LRP1B: variants seen among roughly 807,000 people sequenced by gnomAD.
LRP1B encodes the protein low-density lipoprotein receptor-related protein 1B.
LRP1B carries 217 observed loss-of-function variants against 556.6 expected under a neutral mutation model. That is an observed-to-expected ratio of 0.39 (90% CI 0.35 to 0.44). The LOEUF is 0.44. Among genes scored for constraint, LRP1B ranks in the 20% least tolerant of loss-of-function variants. The pLI is 1.00. For synonymous variants in LRP1B, 2,047 were observed against 1,865.8 expected (o/e 1.10, Z -2.50); for missense variants, 5,053 against 5,620.8 (o/e 0.90, Z 3.23).
chr2:140,788,340 A>G (rs1187887191), intron 32 of LRP1B, among the ~76,000 whole-genome samples: 1 of 152,234 alleles, frequency 6.6e-6, no homozygotes, highest in Non-Finnish European at 1.5e-5. Flanking sequence ...ATTATTTATC[A>G]GTATCATGGA....
intron 62 of LRP1B, among the ~76,000 whole-genome samples, chr2:140,455,431 A>G (rs978477144): frequency 6.6e-6 from 1 of 152,196 alleles, no homozygotes; most frequent in Non-Finnish European, 1.5e-5. Flanking sequence ...TAATCTGTAT[A>G]TGGCATAGAA....
chr2:141,683,073 G>A (rs955084207), intron 2 of LRP1B, among the ~76,000 whole-genome samples: 17 of 152,202 alleles, frequency 1.1e-4, no homozygotes, highest in African/African-American at 3.9e-4. Flanking sequence ...GTCTCTTCTG[G>A]AGCCTCCAGA....
chr2:140,868,071 A>G (rs2105155671), intron 26 of LRP1B, 28 bp downstream of exon 26: 1 of 1,568,554 alleles, frequency 6.4e-7, no homozygotes, highest in Non-Finnish European at 8.6e-7. Flanking sequence ...TAAAAAAAAA[A>G]ATACAGAAAA....
At chr2:141,176,335 G>A (rs2105158601) in intron 7 of LRP1B, among the ~76,000 whole-genome samples, 1 of 152,180 alleles carries the variant, frequency 6.6e-6, no homozygotes, top group East Asian at 1.9e-4. Flanking sequence ...ACATTGCACA[G>A]GAGGGTTCTG....
intron 34 of LRP1B, among the ~76,000 whole-genome samples, chr2:140,769,779 T>C (rs547764790): frequency 1.4e-4 from 22 of 151,962 alleles, no homozygotes; most frequent in African/African-American, 4.6e-4. Flanking sequence ...TATATGATAA[T>C]AAACCTGATT....
chr2:141,903,744 G>C (rs921847482), intron 1 of LRP1B, among the ~76,000 whole-genome samples: 1 of 151,860 alleles, frequency 6.6e-6, no homozygotes, highest in Non-Finnish European at 1.5e-5. Context: ...TACAGATTTG[G>C]GGTTGGGAGT....
intron 2 of LRP1B, among the ~76,000 whole-genome samples, chr2:141,704,276 T>TC (rs1160882323): frequency 6.6e-6 from 1 of 151,988 alleles, no homozygotes; most frequent in Non-Finnish European, 1.5e-5. Flanking sequence ...CTAACCTTTT[T>TC]CTTATTCAAA....
intron 1 of LRP1B, among the ~76,000 whole-genome samples, chr2:141,941,272 T>C (rs529046279): frequency 8.0e-4 from 122 of 152,326 alleles, no homozygotes; most frequent in African/African-American, 2.8e-3. Context: ...ATACAATCTG[T>C]ACAAAGTATT....
Position 140,304,419 on chromosome 2 carries a change from G to A in LRP1B, c.12806-6450C>T, listed in dbSNP as rs181159218. ...TTTCTCTGATGGCCAGTGATGATGA[G>A]CATTTTTTCATGTGTCTGTTGGCTG... On this transcript the variant is annotated intron_variant, in intron 83 of 90. Coordinates refer to ENST00000389484, the MANE Select transcript of LRP1B (RefSeq NM_018557.3). 2.3e-3 allele frequency among the ~76,000 whole-genome samples: 343 copies of A among 152,242 alleles called. 2 individuals are homozygous for A. The highest frequency in any genetic ancestry group is 7.6e-3 in the African/African-American group (316 of 41,542).
chr2:142,037,581 T>C (rs757740474), intron 1 of LRP1B, among the ~76,000 whole-genome samples: 2 of 151,588 alleles, frequency 1.3e-5, no homozygotes, highest in African/African-American at 4.8e-5. Flanking sequence ...CCATAAGCTA[T>C]TCCTTACAAT....
chr2:140,435,774 C>G (rs1177083562), intron 66 of LRP1B, among the ~76,000 whole-genome samples: 1 of 151,966 alleles, frequency 6.6e-6, no homozygotes, highest in Non-Finnish European at 1.5e-5. Context: ...CTATGAAAAA[C>G]CTAATATGTT....
intron 2 of LRP1B, among the ~76,000 whole-genome samples, chr2:141,684,201 C>A (rs1691209752): frequency 6.6e-6 from 1 of 152,028 alleles, no homozygotes; most frequent in Admixed American, 6.6e-5. Flanking sequence ...TTGGAACCAA[C>A]CCAAATGCCT....
At chr2:140,682,916 G>A (rs1273680089) in intron 41 of LRP1B, among the ~76,000 whole-genome samples, 1 of 152,066 alleles carries the variant, frequency 6.6e-6, no homozygotes, top group Non-Finnish European at 1.5e-5. Flanking sequence ...GAAAATATGA[G>A]CCTGATTCTT....
chr2:140,568,749 A>G (rs1301365964), intron 43 of LRP1B, among the ~76,000 whole-genome samples: 1 of 152,148 alleles, frequency 6.6e-6, no homozygotes, highest in Admixed American at 6.6e-5. Flanking sequence ...GTAAAGTCAT[A>G]TATAAGGGTA....
intron 2 of LRP1B, among the ~76,000 whole-genome samples, chr2:141,700,275 G>A (rs187638594): frequency 4.9e-4 from 75 of 151,684 alleles, no homozygotes; most frequent in African/African-American, 1.7e-3. Context: ...TTTATTCCCC[G>A]CTGGCAGACT....
At chr2:140,963,898 C>T (rs1278342937) in intron 18 of LRP1B, among the ~76,000 whole-genome samples, 2 of 152,126 alleles carry the variant, frequency 1.3e-5, no homozygotes, top group Non-Finnish European at 2.9e-5. Context: ...CTGTGTGCGG[C>T]GACGAGAGAG....
chr2:141,155,722 C>T (rs1217779650), intron 7 of LRP1B, among the ~76,000 whole-genome samples: 2 of 151,966 alleles, frequency 1.3e-5, no homozygotes, highest in African/African-American at 4.8e-5. Flanking sequence ...AAATTGTATG[C>T]CACCTTGCTG....
chr2:141,734,851 G>A (rs746440014), intron 2 of LRP1B, among the ~76,000 whole-genome samples: 10 of 152,086 alleles, frequency 6.6e-5, no homozygotes, highest in Non-Finnish European at 1.3e-4. Flanking sequence ...TTAAGCACCT[G>A]CACTCTAGTT....
chr2:141,845,174 A>G (rs1697603546), intron 1 of LRP1B, among the ~76,000 whole-genome samples: 1 of 151,846 alleles, frequency 6.6e-6, no homozygotes, highest in Non-Finnish European at 1.5e-5. Flanking sequence ...TTCAGCTTCA[A>G]GGTTATTTTT....
Sources: gnomAD v4.1 joint callset for allele counts (sites outside exome capture counted in the v4.1 genomes callset) on GRCh38, gnomAD v4.1.1 for gene constraint, MANE v1.5 for transcripts, NCBI Gene and HGNC (gene_info 2026-07-23, HGNC 2026-07-21) for gene names.